ADAMTS19: variants seen among roughly 807,000 people sequenced by gnomAD.
ADAMTS19 encodes ADAM metallopeptidase with thrombospondin type 1 motif 19, also known as A disintegrin and metalloproteinase with thrombospondin motifs 19.
ADAMTS19 carries 93 observed loss-of-function variants against 153.3 expected under a neutral mutation model. The observed-to-expected ratio is 0.61, with a 90% CI of 0.51 to 0.72. The LOEUF is 0.72. Among genes scored for constraint, ADAMTS19 ranks in the 30% least tolerant of loss-of-function variants. The pLI is 0.00. For missense variants in ADAMTS19, 1,482 were observed against 1,552.1 expected (o/e 0.95, Z 0.76); for synonymous variants, 600 against 556.6 (o/e 1.08, Z -1.10).
At chr5:129,586,717 A>G (rs1435098202) in intron 7 of ADAMTS19, among the ~76,000 whole-genome samples, 3 of 152,182 alleles carry the variant, frequency 2.0e-5, no homozygotes, top group Non-Finnish European at 2.9e-5. Flanking sequence ...TAGTTTTATA[A>G]GCAATTGCCA....
chr5:129,507,276 C>G (rs1751295242), intron 2 of ADAMTS19, among the ~76,000 whole-genome samples: 1 of 151,988 alleles, frequency 6.6e-6, no homozygotes, highest in African/African-American at 2.4e-5. Flanking sequence ...ATCCATAAGA[C>G]AAGAATAACA....
chr5:129,547,531 C>A (rs530337404), intron 6 of ADAMTS19, among the ~76,000 whole-genome samples: 9 of 149,734 alleles, frequency 6.0e-5, no homozygotes, highest in Non-Finnish European at 1.2e-4. Flanking sequence ...TTCAAAGTAG[C>A]CAAAAAAAGT....
chr5:129,707,033 TAC>T (rs1756191329), intron 21 of ADAMTS19, among the ~76,000 whole-genome samples: 1 of 152,184 alleles, frequency 6.6e-6, no homozygotes, highest in South Asian at 2.1e-4. Context: ...CTTCAACAAA[TAC>T]AGTTGACCCC....
intron 15 of ADAMTS19, among the ~76,000 whole-genome samples, chr5:129,661,558 A>G (rs767026414): frequency 2.0e-5 from 3 of 152,174 alleles, no homozygotes; most frequent in East Asian, 1.9e-4. Context: ...GCAAACACAC[A>G]TGGGTGTTTT....
Position 129,718,249 on chromosome 5 carries a change from C to T in ADAMTS19, c.3312+13858C>T, listed in dbSNP as rs533689765. ...CAGTTCTTTCTAAATCATTCATAAG[C>T]AATCTGTTTGATTTTGTCACACACA... On this transcript the variant is annotated intron_variant, in intron 21 of 22. Coordinates refer to ENST00000274487, the MANE Select transcript of ADAMTS19 (RefSeq NM_133638.6). Among the ~76,000 whole-genome samples the T allele has an allele frequency of 2.6e-5, 4 of 151,842 alleles. No individual in the cohort carries two copies. In the South Asian group the frequency reaches 6.2e-4, roughly 24 times the overall value.
intron 3 of ADAMTS19, among the ~76,000 whole-genome samples, chr5:129,511,409 GTC>G (rs2126728959): frequency 6.6e-6 from 1 of 151,852 alleles, no homozygotes; most frequent in South Asian, 2.1e-4. Context: ...CCCAGCTTTA[GTC>G]TCACTCCAGC....
At chr5:129,707,227 T>C (rs1202287017) in intron 21 of ADAMTS19, among the ~76,000 whole-genome samples, 1 of 152,196 alleles carries the variant, frequency 6.6e-6, no homozygotes, top group Non-Finnish European at 1.5e-5. Context: ...ACTTGGGCTG[T>C]CCTAAAACCA....
rs139409644 is a variant in ADAMTS19, at chr5:129,540,341, T to C, written c.1329-11523T>C. ...GTCCTGTGCAGTACAATAAAGTAAA[T>C]AGTTTAAAGCTGACCTAGTTATGCT... On this transcript the variant is annotated intron_variant, in intron 6 of 22. Transcript: ENST00000274487. Among the ~76,000 whole-genome samples, 33 of 152,144 alleles carry C rather than the reference T, an allele frequency of 2.2e-4. 2 individuals carry two copies. The highest frequency in any genetic ancestry group is 6.7e-4 in the African/African-American group (28 of 41,536).
intron 16 of ADAMTS19, among the ~76,000 whole-genome samples, chr5:129,672,809 TAC>T (rs35764527): frequency 7.7e-4 from 116 of 150,142 alleles, no homozygotes; most frequent in Middle Eastern, 3.5e-3. Flanking sequence ...AGTCCAAATC[TAC>T]ACACACACAC....
At chr5:129,606,682 C>G (rs1750911245) in intron 8 of ADAMTS19, among the ~76,000 whole-genome samples, 1 of 152,172 alleles carries the variant, frequency 6.6e-6, no homozygotes, top group South Asian at 2.1e-4. Context: ...TAGAGTGACT[C>G]TAGTCTATTT....
intron 21 of ADAMTS19, among the ~76,000 whole-genome samples, chr5:129,729,659 G>A (rs1017427190): frequency 2.0e-4 from 30 of 151,970 alleles, no homozygotes; most frequent in African/African-American, 5.8e-4. Context: ...GTTACAAAAC[G>A]TAATTTGCCT....
intron 2 of ADAMTS19, among the ~76,000 whole-genome samples, chr5:129,487,660 T>C (rs1207551549): frequency 2.6e-5 from 4 of 152,118 alleles, no homozygotes; most frequent in Admixed American, 2.6e-4. Flanking sequence ...CTACTTTTTA[T>C]GTATGTAAGA....
chr5:129,685,843 T>C (rs1755061157), intron 18 of ADAMTS19, among the ~76,000 whole-genome samples: 1 of 152,154 alleles, frequency 6.6e-6, no homozygotes, highest in Admixed American at 6.6e-5. Flanking sequence ...AAAAAATTGC[T>C]GAAGTGTTAT....
rs556765957 is a variant in ADAMTS19 at position 129,583,848 on chromosome 5, G to A, written c.1373-12711G>A. On this transcript the variant is annotated intron_variant, in intron 7 of 22. Transcript: ENST00000274487. ...AAGGTTCTTAGCTTCCTTGCATTGG[G>A]TTAGAACATGCTCCTTTAACTTGGA... Among the ~76,000 whole-genome samples, 44 of 151,978 alleles carry A rather than the reference G, an allele frequency of 2.9e-4. No homozygotes were observed. The South Asian group carries it at 4.8e-3, about 16-fold the overall frequency.
intron 13 of ADAMTS19, among the ~76,000 whole-genome samples, chr5:129,650,074 C>T (rs963042017): frequency 1.3e-5 from 2 of 152,148 alleles, no homozygotes; most frequent in South Asian, 2.1e-4. Flanking sequence ...GTCCCAGCTA[C>T]TCAGGAGGCT....
intron 6 of ADAMTS19, among the ~76,000 whole-genome samples, chr5:129,531,489 G>A (rs1752202636): frequency 1.3e-5 from 2 of 152,120 alleles, no homozygotes; most frequent in African/African-American, 4.8e-5. Context: ...GCTGGGCATG[G>A]TGGTGCATGC....
At chr5:129,710,116 C>T (rs756222433) in intron 21 of ADAMTS19, among the ~76,000 whole-genome samples, 2 of 152,118 alleles carry the variant, frequency 1.3e-5, no homozygotes, top group South Asian at 4.1e-4. Context: ...TATCCTGATG[C>T]TCTTCCTCCC....
At chr5:129,633,370 A>G (rs973247462) in intron 10 of ADAMTS19, among the ~76,000 whole-genome samples, 1 of 152,166 alleles carries the variant, frequency 6.6e-6, no homozygotes, top group Non-Finnish European at 1.5e-5. Flanking sequence ...TTGTTTATTT[A>G]CATTTTTAAA....
chr5:129,697,155 T>A (rs1755595378), intron 19 of ADAMTS19, among the ~76,000 whole-genome samples: 2 of 152,324 alleles, frequency 1.3e-5, no homozygotes, highest in South Asian at 4.1e-4. Context: ...AGTATCTTAT[T>A]GCTACAAAGA....
Sources: gnomAD v4.1 joint callset for allele counts (sites outside exome capture counted in the v4.1 genomes callset) on GRCh38, gnomAD v4.1.1 for gene constraint, MANE v1.5 for transcripts, NCBI Gene and HGNC (gene_info 2026-07-23, HGNC 2026-07-21) for gene names.